The following ATAD1 variants were observed in gnomAD, a reference collection of about 807,000 sequenced individuals.
ATAD1 encodes the protein ATPase family AAA domain containing 1.
A neutral mutation model predicts 42.7 loss-of-function variants in ATAD1; 18 were observed. The ratio of observed to expected loss-of-function variants is 0.42; its 90% CI spans 0.29 to 0.63. ATAD1 has a LOEUF of 0.63. ATAD1 is among the 20% of genes least tolerant of loss of function. ATAD1 has a pLI of 0.19. For missense variants in ATAD1, 294 were observed against 440.4 expected (o/e 0.67, Z 2.98); for synonymous variants, 132 against 143.1 (o/e 0.92, Z 0.55).
At chr10:87,831,156 G>A (rs941873207) in intron 1 of ATAD1, among the ~76,000 whole-genome samples, 2 of 152,192 alleles carry the variant, frequency 1.3e-5, no homozygotes, top group Non-Finnish European at 2.9e-5. Context: ...GATAAGCTAC[G>A]TAAAGGAACT....
intron 5 of ATAD1, among the ~76,000 whole-genome samples, chr10:87,782,508 G>A (rs1855614263): frequency 6.6e-6 from 1 of 152,148 alleles, no homozygotes; most frequent in Admixed American, 6.5e-5. Context: ...TAACATGTAA[G>A]AGATGAGATA....
chr10:87,792,781 G>A (rs774873129), intron 2 of ATAD1, 26 bp from the exon 3 acceptor site: 3 of 1,545,770 alleles, frequency 1.9e-6, no homozygotes, highest in Non-Finnish European at 2.7e-6. Flanking sequence ...CAAACAACCT[G>A]CTTTGATTTG....
chr10:87,832,997 TTAGTGCCAACACCCAAGCTGCA>T (rs1246180809), intron 1 of ATAD1: 18 of 152,206 alleles, frequency 1.2e-4, no homozygotes, highest in African/African-American at 3.9e-4. Context: ...GATGCCAAAC[TTAGTGCCAACACCCAAGCTGCA>T]TAGTGAACTA....
intron 8 of ATAD1, among the ~76,000 whole-genome samples, chr10:87,765,301 G>A (rs964630553): frequency 2.0e-5 from 3 of 152,084 alleles, no homozygotes; most frequent in South Asian, 2.1e-4. Flanking sequence ...TATACAGTGA[G>A]TTGTAACAGT....
intron 1 of ATAD1, among the ~76,000 whole-genome samples, chr10:87,825,846 T>C (rs7897862): frequency 0.77 from 117,023 of 151,960 alleles, 45,362 homozygotes; most frequent in Admixed American, 0.85. Flanking sequence ...GGATTACAGG[T>C]AGGAGCCACC....
intron 5 of ATAD1, among the ~76,000 whole-genome samples, chr10:87,782,831 T>C (rs928952997): frequency 6.6e-6 from 1 of 151,950 alleles, no homozygotes; most frequent in African/African-American, 2.4e-5. Context: ...ACTTCGTCTC[T>C]ACAAAAAAAT....
At chr10:87,826,712 G>T (rs1175871220) in intron 1 of ATAD1, among the ~76,000 whole-genome samples, 2 of 152,162 alleles carry the variant, frequency 1.3e-5, no homozygotes, top group African/African-American at 2.4e-5. Flanking sequence ...TCACAGGCTA[G>T]TATTTAAGAA....
rs369646876 is a variant in ATAD1, at chr10:87,811,938, A to G, written c.162+2500T>C. On this transcript the variant is annotated intron_variant, in intron 2 of 9. Coordinates refer to ENST00000680024, the MANE Select transcript of ATAD1 (RefSeq NM_001321967.2). ...TTTCCAAACCTCTATAAAAGATATT[A>G]TAAGTCTTTGAGGTATCCAGACAAA... Among the ~76,000 whole-genome samples the G allele has an allele frequency of 4.6e-5, 7 of 152,338 alleles. No homozygotes were observed. The South Asian group carries it at 8.3e-4, about 18-fold the overall frequency.
intron 4 of ATAD1, among the ~76,000 whole-genome samples, chr10:87,788,584 C>A (rs909036375): frequency 1.3e-5 from 2 of 152,170 alleles, no homozygotes; most frequent in Admixed American, 6.5e-5. Flanking sequence ...GTATTCCCTG[C>A]ATAATTTGGT....
chr10:87,809,970 A>T (rs987407143), intron 2 of ATAD1, among the ~76,000 whole-genome samples: 2 of 151,948 alleles, frequency 1.3e-5, no homozygotes, highest in African/African-American at 4.8e-5. Flanking sequence ...CTACAGCAAT[A>T]TTAGGCCTTT....
intron 8 of ATAD1, among the ~76,000 whole-genome samples, chr10:87,760,002 G>A (rs543815127): frequency 2.6e-5 from 4 of 152,192 alleles, no homozygotes; most frequent in South Asian, 2.1e-4. Flanking sequence ...TTGAGTATAG[G>A]CAGCAACAGC....
At chr10:87,836,604 G>A (rs1178219514) in intron 1 of ATAD1, among the ~76,000 whole-genome samples, 2 of 152,116 alleles carry the variant, frequency 1.3e-5, no homozygotes, top group Non-Finnish European at 2.9e-5. Flanking sequence ...CAGTTTTCAA[G>A]AATTTTTCTT....
upstream of ATAD1, among the ~76,000 whole-genome samples, chr10:87,822,167 C>A (rs908406787): frequency 6.6e-5 from 10 of 152,196 alleles, no homozygotes; most frequent in Non-Finnish European, 1.5e-4. Flanking sequence ...AAGAATAGAA[C>A]TTCAACAAAT....
intron 8 of ATAD1, 94 bp downstream of exon 8, chr10:87,767,576 GTAT>G: frequency 1.8e-6 from 2 of 1,122,196 alleles, no homozygotes; most frequent in Non-Finnish European, 2.7e-6. Context: ...GATCCTTGGG[GTAT>G]ATCATTCTCA....
At chr10:87,764,362 T>A (rs2131782354) in intron 8 of ATAD1, among the ~76,000 whole-genome samples, 1 of 152,174 alleles carries the variant, frequency 6.6e-6, no homozygotes, top group East Asian at 1.9e-4. Context: ...CTCGGGAAGC[T>A]GAGGCACAAG....
intron 1 of ATAD1, among the ~76,000 whole-genome samples, chr10:87,823,999 CTG>C (rs1857678957): frequency 6.6e-6 from 1 of 152,174 alleles, no homozygotes; most frequent in African/African-American, 2.4e-5. Context: ...ACACTAAACT[CTG>C]TGTCCATTCT....
intron 2 of ATAD1, among the ~76,000 whole-genome samples, chr10:87,799,008 T>C (rs978392719): frequency 6.6e-6 from 1 of 152,140 alleles, no homozygotes; most frequent in African/African-American, 2.4e-5. Context: ...CTCTAACTAA[T>C]TGGCTTAAGA....
intron 8 of ATAD1, among the ~76,000 whole-genome samples, chr10:87,763,534 G>A (rs977710931): frequency 7.2e-5 from 11 of 152,244 alleles, no homozygotes; most frequent in South Asian, 2.1e-4. Context: ...CTAGCTGTGC[G>A]TGGTGAAGCA....
Position 87,828,766 on chromosome 10 carries a change from T to C in ATAD1, c.-14+12421A>G, listed in dbSNP as rs149674831. On this transcript the variant is annotated intron_variant, in intron 1 of 4. Transcript: ENST00000495903. ...GGCTGACTCTCTTGTTAGGAGCTAATGCAACTGATGACTTTAAGTTGAAAC... is the reference window on the plus strand; with the variant it reads ...GGCTGACTCTCTTGTTAGGAGCTAACGCAACTGATGACTTTAAGTTGAAAC... 1.1e-3 allele frequency among the ~76,000 whole-genome samples: 174 copies of C among 152,342 alleles called. 1 individual carries two copies. The highest frequency in any genetic ancestry group is 6.8e-3 in the Middle Eastern group (2 of 294).
Sources: gnomAD v4.1 joint callset for allele counts (sites outside exome capture counted in the v4.1 genomes callset) on GRCh38, gnomAD v4.1.1 for gene constraint, MANE v1.5 for transcripts, NCBI Gene and HGNC (gene_info 2026-07-23, HGNC 2026-07-21) for gene names.